DAB1: variants seen among roughly 807,000 people sequenced by gnomAD.
The protein encoded by DAB1 is disabled homolog 1.
Under a neutral mutation model 64.6 loss-of-function variants are expected in DAB1, and 15 were observed. The ratio of observed to expected loss-of-function variants is 0.23; its 90% confidence interval spans 0.16 to 0.36. DAB1 has a LOEUF of 0.36. DAB1 is among the 10% of genes least tolerant of loss of function. DAB1 has a pLI of 1.00. For synonymous variants in DAB1, 235 were observed against 251.9 expected (o/e 0.93, Z 0.64); for missense variants, 596 against 706.7 (o/e 0.84, Z 1.78).
intron 7 of DAB1, among the ~76,000 whole-genome samples, chr1:57,467,020 C>A (rs574620046): frequency 1.3e-5 from 2 of 152,106 alleles, no homozygotes; most frequent in Non-Finnish European, 2.9e-5. Flanking sequence ...ATCACAAGAG[C>A]GATAGCTTAT....
chr1:57,587,219 G>A (rs1645391172), intron 7 of DAB1, among the ~76,000 whole-genome samples: 1 of 152,174 alleles, frequency 6.6e-6, no homozygotes, highest in Admixed American at 6.5e-5. Context: ...TTCTTTGCTG[G>A]GACCATGAGA....
intron 1 of DAB1, among the ~76,000 whole-genome samples, chr1:57,399,005 A>G (rs1265752266): frequency 4.6e-5 from 7 of 152,254 alleles, no homozygotes; most frequent in Admixed American, 4.6e-4. Flanking sequence ...TTTGTTTATA[A>G]ATGGGCTTTT....
intron 1 of DAB1, among the ~76,000 whole-genome samples, chr1:58,544,657 C>A (rs1646672986): frequency 6.6e-6 from 1 of 152,124 alleles, no homozygotes; most frequent in Non-Finnish European, 1.5e-5. Context: ...TGCAGTGGTG[C>A]CACCTCGGCT....
chr1:57,024,316 A>C (rs1288461093), intron 10 of DAB1, among the ~76,000 whole-genome samples: 1 of 152,164 alleles, frequency 6.6e-6, no homozygotes, highest in Non-Finnish European at 1.5e-5. Context: ...GAATTCCAAA[A>C]AGGTCTGCTG....
intron 4 of DAB1, among the ~76,000 whole-genome samples, chr1:57,107,707 G>C (rs1557733975): frequency 6.6e-6 from 1 of 152,186 alleles, no homozygotes; most frequent in Non-Finnish European, 1.5e-5. Context: ...GATTCTTTCT[G>C]TGCTGGCTCA....
chr1:58,436,810 G>A (rs1013035166), intron 3 of DAB1, among the ~76,000 whole-genome samples: 2 of 152,182 alleles, frequency 1.3e-5, no homozygotes, highest in Non-Finnish European at 2.9e-5. Context: ...CAGTGTCAGC[G>A]ATGTTTGCAC....
At chr1:57,249,562 G>T (rs1384158536) in intron 2 of DAB1, among the ~76,000 whole-genome samples, 1 of 152,080 alleles carries the variant, frequency 6.6e-6, no homozygotes, top group Non-Finnish European at 1.5e-5. Context: ...GGTAGAGATG[G>T]GGTTTCACCA....
chr1:57,842,338 C>A (rs1653091109), intron 1 of DAB1, among the ~76,000 whole-genome samples: 1 of 152,176 alleles, frequency 6.6e-6, no homozygotes, highest in Non-Finnish European at 1.5e-5. Context: ...AAGTTCCAAA[C>A]ATTCCCATAT....
chr1:58,292,601 G>A (rs944718382), intron 4 of DAB1, among the ~76,000 whole-genome samples: 4 of 152,140 alleles, frequency 2.6e-5, no homozygotes, highest in Non-Finnish European at 4.4e-5. Flanking sequence ...GAGTGTGTTA[G>A]TGCTGGTGCT....
At chr1:57,437,846 T>C (rs1417957129) in intron 7 of DAB1, among the ~76,000 whole-genome samples, 1 of 152,240 alleles carries the variant, frequency 6.6e-6, no homozygotes, top group Non-Finnish European at 1.5e-5. Flanking sequence ...AAGGAGTTCC[T>C]AACCAAACAG....
intron 5 of DAB1, among the ~76,000 whole-genome samples, chr1:58,087,709 A>G (rs1464481276): frequency 1.4e-5 from 2 of 146,596 alleles, no homozygotes; most frequent in Non-Finnish European, 3.0e-5. Flanking sequence ...CATTTACCTG[A>G]AAATAAAAAG....
chr1:58,051,872 T>A (rs541820199), intron 5 of DAB1, among the ~76,000 whole-genome samples: 1 of 152,356 alleles, frequency 6.6e-6, no homozygotes, highest in African/African-American at 2.4e-5. Context: ...GTTCATATCC[T>A]TTGTCAACTT....
intron 7 of DAB1, among the ~76,000 whole-genome samples, chr1:57,490,746 G>A (rs1207738139): frequency 6.6e-6 from 1 of 152,196 alleles, no homozygotes; most frequent in Non-Finnish European, 1.5e-5. Flanking sequence ...AACGAGTGAT[G>A]GAGCTTCAAA....
In DAB1 at chr1:57,072,526, A is replaced by G. The variant is rs967707696; in HGVS notation, c.307-112T>C. On this transcript the variant is annotated intron_variant, in intron 4 of 14. Coordinates refer to ENST00000371236, the MANE Select transcript of DAB1 (RefSeq NM_001365792.1). ...TGAACAGGCCCGAAGGGCTTTGGAA[A>G]AGCTGTTTAGTCCAGATGGAAAGAA... The G allele has an allele frequency of 6.0e-6, 7 of 1,175,860 alleles. No homozygotes were observed. The Admixed American group carries it at 1.6e-4, about 27-fold the overall frequency. 72.8% of individuals were successfully genotyped at this position (1,175,860 alleles called of 1,614,324 possible).
At chr1:58,297,106 G>A (rs1159955594) in intron 4 of DAB1, among the ~76,000 whole-genome samples, 1 of 152,134 alleles carries the variant, frequency 6.6e-6, no homozygotes, top group Non-Finnish European at 1.5e-5. Flanking sequence ...AAGGTAAGTA[G>A]TATTTAATCA....
chr1:58,417,280 T>C (rs1446135496), intron 3 of DAB1, among the ~76,000 whole-genome samples: 1 of 152,216 alleles, frequency 6.6e-6, no homozygotes, highest in African/African-American at 2.4e-5. Flanking sequence ...TCACAGGCTC[T>C]AAGGAAGGGT....
chr1:57,569,514 G>A (rs559437009), intron 7 of DAB1, among the ~76,000 whole-genome samples: 45 of 151,544 alleles, frequency 3.0e-4, no homozygotes, highest in African/African-American at 8.7e-4. Flanking sequence ...ACCAAACACC[G>A]CATGTTCTCA....
At chr1:58,263,899 A>G (rs1661103733) in intron 4 of DAB1, among the ~76,000 whole-genome samples, 1 of 152,246 alleles carries the variant, frequency 6.6e-6, no homozygotes, top group Admixed American at 6.5e-5. Flanking sequence ...ATGTTGGAAT[A>G]CAAATTGAGC....
intron 6 of DAB1, among the ~76,000 whole-genome samples, chr1:57,686,446 G>A (rs529398703): frequency 2.0e-5 from 3 of 152,120 alleles, no homozygotes; most frequent in East Asian, 1.9e-4. Context: ...GGACCAGATG[G>A]ATGGACAGCC....
Sources: gnomAD v4.1 joint callset for allele counts (sites outside exome capture counted in the v4.1 genomes callset) on GRCh38, gnomAD v4.1.1 for gene constraint, MANE v1.5 for transcripts, NCBI Gene and HGNC (gene_info 2026-07-23, HGNC 2026-07-21) for gene names.